The following ZCCHC14 variants were observed in gnomAD, a reference collection of about 807,000 sequenced individuals.
ZCCHC14 encodes the protein zinc finger CCHC domain-containing protein 14.
A neutral mutation model predicts 85.0 loss-of-function variants in ZCCHC14; 16 were observed. That is an observed-to-expected ratio of 0.19 (90% CI 0.13 to 0.29). The LOEUF is 0.29. Among genes scored for constraint, ZCCHC14 ranks in the 10% least tolerant of loss-of-function variants. The pLI, the probability that ZCCHC14 is intolerant of heterozygous loss-of-function variation, is 1.00. For missense variants in ZCCHC14, 1,303 were observed against 1,443.5 expected (o/e 0.90, Z 1.58); for synonymous variants, 775 against 630.7 (o/e 1.23, Z -3.43).
At chr16:87,474,893 G>A (rs148264081) in intron 1 of ZCCHC14, among the ~76,000 whole-genome samples, 80 of 152,342 alleles carry the variant, frequency 5.3e-4, no homozygotes, top group African/African-American at 1.7e-3. Flanking sequence ...ACTGAGCAGA[G>A]ATATTAGCTG....
At position 87,417,644 on chromosome 16, in the gene ZCCHC14, G is replaced by C. The variant is rs774123700; in HGVS notation, c.1199C>G (p.Ser400Cys). The C allele has an allele frequency of 1.2e-6, 2 of 1,613,944 alleles. No homozygotes were observed. The highest frequency in any genetic ancestry group is 2.2e-5 in the East Asian group (1 of 44,882). The change falls in exon 8 of 13, where the codon TCC (serine) becomes TGC (cysteine). Residue 400 changes from serine (S) to cysteine (C), a missense_variant. By Grantham distance (112) the Ser-to-Cys change is moderately radical. This residue lies in a region of ZCCHC14 where 389 missense variants were observed against 397.8 expected (regional missense o/e 0.98). Coordinates refer to ENST00000671377, the MANE Select transcript of ZCCHC14 (RefSeq NM_015144.3). ...GGCTGAGCCCGCGCTGCCCGCATGG[G>C]AGCAGTGAGGCAAGGGGGCGGCGGA... ...AGSAAPLPHC[S>C]HAGSAGSALA...
At chr16:87,467,218 G>T (rs1028865804) in intron 1 of ZCCHC14, 12 of 1,544,990 alleles carry the variant, frequency 7.8e-6, no homozygotes, top group Non-Finnish European at 1.1e-5. Flanking sequence ...AAGGAAACTC[G>T]AATGAGGACT....
intron 1 of ZCCHC14, among the ~76,000 whole-genome samples, chr16:87,469,892 G>C (rs868119624): frequency 2.1e-4 from 32 of 152,294 alleles, no homozygotes; most frequent in Middle Eastern, 3.4e-3. Flanking sequence ...CTGGGGGCCA[G>C]GGCCTATCTT....
At chr16:87,421,788 T>A (rs1909111379) in intron 4 of ZCCHC14, among the ~76,000 whole-genome samples, 1 of 152,126 alleles carries the variant, frequency 6.6e-6, no homozygotes, top group Admixed American at 6.5e-5. Context: ...GCCAGCTTCA[T>A]CCTGCCCAGA....
intron 2 of ZCCHC14, among the ~76,000 whole-genome samples, chr16:87,436,750 T>C (rs2150740973): frequency 6.6e-6 from 1 of 152,310 alleles, no homozygotes; most frequent in South Asian, 2.1e-4. Flanking sequence ...AAGCCTCGGA[T>C]ATTAACTGGA....
intron 3 of ZCCHC14, among the ~76,000 whole-genome samples, chr16:87,429,457 A>G (rs1052472864): frequency 2.6e-5 from 4 of 152,102 alleles, no homozygotes; most frequent in African/African-American, 9.7e-5. Flanking sequence ...AACTGCAGGC[A>G]TGTGCCACTA....
Position 87,408,576 on chromosome 16 carries a change from G to C in ZCCHC14, c.*1704C>G, listed in dbSNP as rs1447411147. ...TAAGCATCACCATTACTTCAACACT[G>C]TAATACTGTGTACCATGAGGAGAAG... is the stretch of plus-strand genomic sequence containing the variant. On this transcript the variant is annotated 3_prime_UTR_variant, in exon 13 of 13. Coordinates refer to ENST00000671377, the MANE Select transcript of ZCCHC14 (RefSeq NM_015144.3). The C allele has an allele frequency of 2.0e-5, 3 of 152,578 alleles. No homozygotes were observed. The highest frequency in any genetic ancestry group is 2.9e-5 in the Non-Finnish European group (2 of 68,046). The allele number at this position is 152,578 out of a possible 1,614,324, so 9.5% of individuals were successfully genotyped here.
rs1567512023 is a variant in ZCCHC14 at position 87,418,865 on chromosome 16, A to T, written c.1082T>A (p.Val361Glu). 4.3e-6 allele frequency: 7 copies of T among 1,613,514 alleles called. No homozygotes were observed. Among genetic ancestry groups the T allele is most frequent in the Non-Finnish European group, 5.9e-6 (7 of 1,179,594 alleles). Residue 361 changes from valine to glutamate, a missense_variant, in exon 7 of 13, where the codon GTG (valine) becomes GAG (glutamate). Physicochemically the swap from Val to Glu is moderately radical, Grantham distance 121. This residue lies in a region of ZCCHC14 where 389 missense variants were observed against 397.8 expected (regional missense o/e 0.98). Coordinates refer to ENST00000671377, the MANE Select transcript of ZCCHC14 (RefSeq NM_015144.3). ...TTCTCACCTTCCAGACACGCCCATC[A>T]CGGTACCTACTTTAGAAAGGGAGGG... ...GNPSLSKVGT[V>E]MGVSGRPVCG...
chr16:87,467,886 C>T (rs888108300), intron 1 of ZCCHC14, among the ~76,000 whole-genome samples: 3 of 152,138 alleles, frequency 2.0e-5, no homozygotes, highest in Non-Finnish European at 2.9e-5. Flanking sequence ...ATCCTGACGT[C>T]GTGGTCCGCC....
chr16:87,463,732 G>A (rs1911384962), intron 1 of ZCCHC14, among the ~76,000 whole-genome samples: 1 of 152,170 alleles, frequency 6.6e-6, no homozygotes. Context: ...CTGAGGCAGG[G>A]GGATCGCTTC....
rs1912802548 is a variant in ZCCHC14 at position 87,492,286 on chromosome 16, G to A, written c.-48C>T. ...GACCCGGGGCCGGGGACCGCGCGGG[G>A]GCGGCCGGGGGGCGCCGGGGGCCGC... On this transcript the variant is annotated 5_prime_UTR_variant, in exon 1 of 13. Coordinates refer to ENST00000671377, the MANE Select transcript of ZCCHC14 (RefSeq NM_015144.3). The surrounding 1 kb of genome is among the most constrained non-coding windows in gnomAD (Gnocchi z 6.7). 1 of 970,682 alleles carries A rather than the reference G, an allele frequency of 1.0e-6. No homozygotes were observed. Among genetic ancestry groups the A allele is most frequent in the African/African-American group, 1.8e-5 (1 of 56,348 alleles). 60.1% of individuals were successfully genotyped at this position (970,682 alleles called of 1,614,324 possible).
chr16:87,454,100 T>C (rs1910837573), intron 2 of ZCCHC14, among the ~76,000 whole-genome samples: 2 of 151,938 alleles, frequency 1.3e-5, no homozygotes, highest in Non-Finnish European at 2.9e-5. Flanking sequence ...AAAAAGAAAA[T>C]GTCCCATCTG....
rs1908866361 is a variant in ZCCHC14 at position 87,417,712 on chromosome 16, G to A, written c.1131C>T (p.Ser377=). 1.9e-6 allele frequency: 3 copies of A among 1,604,062 alleles called. No individual in the cohort carries two copies. In the African/African-American group the frequency reaches 4.0e-5, roughly 21 times the overall value. The change falls in exon 8 of 13, where the codon TCC becomes TCT. Residue 377 remains serine, a synonymous_variant. Transcript: ENST00000671377. The part of the protein sequence containing the change: ...RPVCGVAGIP[S]SQSGAQHHGQ... ...CGTGGTGCTGGGCTCCGCTCTGCGA[G>A]GACGGGATACCAGCCACTCCACACA...
chr16:87,455,565 T>C (rs1275468033), intron 2 of ZCCHC14, among the ~76,000 whole-genome samples: 1 of 152,208 alleles, frequency 6.6e-6, no homozygotes, highest in Non-Finnish European at 1.5e-5. Flanking sequence ...CCTGTGTCTC[T>C]AATCACATTT....
chr16:87,455,564 C>A lies in ZCCHC14; in HGVS notation c.694+4444G>T, dbSNP rs557622382. ...GAAGAACTTGACTCCTCCTGTGTCT[C>A]TAATCACATTTTCTTCAGGGAAATT... On this transcript the variant is annotated intron_variant, in intron 2 of 12. Coordinates refer to ENST00000671377, the MANE Select transcript of ZCCHC14 (RefSeq NM_015144.3). 3.3e-4 allele frequency among the ~76,000 whole-genome samples: 51 copies of A among 152,302 alleles called. 1 individual carries two copies. The Middle Eastern group carries it at 0.01, about 30-fold the overall frequency.
intron 1 of ZCCHC14, among the ~76,000 whole-genome samples, chr16:87,484,845 A>C (rs1239212119): frequency 6.6e-6 from 1 of 152,206 alleles, no homozygotes; most frequent in East Asian, 1.9e-4. Context: ...TTTATGGGTC[A>C]GGTGGGCAAA....
intron 2 of ZCCHC14, among the ~76,000 whole-genome samples, chr16:87,439,128 A>G (rs935679985): frequency 5.4e-5 from 8 of 148,628 alleles, no homozygotes; most frequent in African/African-American, 7.6e-5. Flanking sequence ...GACGACCCTC[A>G]TACAAGTTCT....
At chr16:87,459,027 AC>A (rs560212270) in intron 2 of ZCCHC14, among the ~76,000 whole-genome samples, 2 of 152,280 alleles carry the variant, frequency 1.3e-5, no homozygotes, top group East Asian at 3.9e-4. Flanking sequence ...AGCCTCCACT[AC>A]TATGGCATGG....
chr16:87,456,074 G>A (rs1049311741), intron 2 of ZCCHC14, among the ~76,000 whole-genome samples: 1 of 152,298 alleles, frequency 6.6e-6, no homozygotes, highest in African/African-American at 2.4e-5. Flanking sequence ...GGTACTCACT[G>A]TGAAACTTTT....
Sources: gnomAD v4.1 joint callset for allele counts (sites outside exome capture counted in the v4.1 genomes callset) on GRCh38, gnomAD v4.1.1 for gene constraint, gnomAD v4.1.1 regional missense constraint, Gnocchi (gnomAD v3.1) non-coding constraint, MANE v1.5 for transcripts, NCBI Gene and HGNC (gene_info 2026-07-23, HGNC 2026-07-21) for gene names.